RSPH14: variants seen among roughly 807,000 people sequenced by gnomAD.
The protein encoded by RSPH14 is rhabdoid tumor deletion region gene 1.
RSPH14 carries 20 observed loss-of-function variants against 26.7 expected under a neutral mutation model. The ratio of observed to expected loss-of-function variants is 0.75; its 90% CI spans 0.53 to 1.09. The LOEUF (loss-of-function observed/expected upper bound fraction) is 1.09. RSPH14 is among the 50% of genes least tolerant of loss of function. The pLI, the probability that RSPH14 is intolerant of heterozygous loss-of-function variation, is 0.00. For synonymous variants in RSPH14, 177 were observed against 189.3 expected (o/e 0.93, Z 0.53); for missense variants, 449 against 457.2 (o/e 0.98, Z 0.16).
the RSPH14 span, chr22:23,159,207 G>T: frequency 1.9e-6 from 3 of 1,608,984 alleles, no homozygotes; most frequent in East Asian, 6.7e-5. Context: ...CTGTGCACCT[G>T]GCCAGGGAGA....
intron 4 of RSPH14, among the ~76,000 whole-genome samples, chr22:23,090,147 T>A (rs756406331): frequency 6.6e-6 from 1 of 152,142 alleles, no homozygotes. Flanking sequence ...GCCCTGGCCA[T>A]AAGCACAGCA....
chr22:23,165,401 CAG>C, the RSPH14 span, among the ~76,000 whole-genome samples: 3 of 152,206 alleles, frequency 2.0e-5, no homozygotes, highest in Non-Finnish European at 2.9e-5. Flanking sequence ...GAGACCCTCA[CAG>C]GGCATCAGCC....
chr22:23,147,988 A>G (rs1392136519), upstream of RSPH14, among the ~76,000 whole-genome samples: 1 of 152,232 alleles, frequency 6.6e-6, no homozygotes, highest in African/African-American at 2.4e-5. Context: ...GGCAGGATAT[A>G]TAAGCCCCTA....
intron 4 of RSPH14, among the ~76,000 whole-genome samples, chr22:23,097,055 C>T (rs571061467): frequency 6.6e-6 from 1 of 152,308 alleles, no homozygotes; most frequent in Admixed American, 6.5e-5. Flanking sequence ...AAGGGGGCCA[C>T]AGCCAGGAGT....
the RSPH14 span, chr22:23,180,691 C>T: frequency 2.4e-3 from 368 of 150,736 alleles, 2 homozygotes; most frequent in African/African-American, 8.5e-3. Context: ...CGGAGAGCAG[C>T]GCCCGCGCCT....
upstream of RSPH14, among the ~76,000 whole-genome samples, chr22:23,148,876 C>T (rs1450713629): frequency 6.6e-6 from 1 of 152,262 alleles, no homozygotes; most frequent in Non-Finnish European, 1.5e-5. Context: ...GTAGCTGCTG[C>T]TCTTCTGCAG....
the RSPH14 span, among the ~76,000 whole-genome samples, chr22:23,156,665 T>C: frequency 6.6e-6 from 1 of 152,240 alleles, no homozygotes; most frequent in African/African-American, 2.4e-5. Flanking sequence ...CACCGATATG[T>C]CTACTCGGTA....
At chr22:23,180,113 C>A in the RSPH14 span, 1 of 263,316 alleles carries the variant, frequency 3.8e-6, no homozygotes, top group South Asian at 7.9e-5. Flanking sequence ...GAGAGCAGCT[C>A]TTGTCCCGGA....
the RSPH14 span, chr22:23,159,305 C>T: frequency 3.3e-6 from 5 of 1,505,894 alleles, no homozygotes; most frequent in Non-Finnish European, 4.5e-6. Flanking sequence ...GCTCTTGGGC[C>T]AGTCCTGTGG....
chr22:23,172,223 G>T, the RSPH14 span, among the ~76,000 whole-genome samples: 1 of 152,032 alleles, frequency 6.6e-6, no homozygotes, highest in Non-Finnish European at 1.5e-5. Flanking sequence ...GTCTGGTTCT[G>T]TTGCCCCTCT....
chr22:23,169,529 C>T, the RSPH14 span, among the ~76,000 whole-genome samples: 1 of 152,220 alleles, frequency 6.6e-6, no homozygotes, highest in East Asian at 1.9e-4. Flanking sequence ...CAGCCATCTA[C>T]AATGTCTTGC....
chr22:23,170,626 G>A, the RSPH14 span, among the ~76,000 whole-genome samples: 41,577 of 151,524 alleles, frequency 0.27, 5,848 homozygotes, highest in East Asian at 0.34. Context: ...CCAGCTACTC[G>A]GGAAGCTGAG....
the RSPH14 span, chr22:23,161,918 A>C: frequency 1.2e-5 from 3 of 249,960 alleles, no homozygotes; most frequent in Non-Finnish European, 1.6e-5. Context: ...GGTCTATACT[A>C]CTCGGCCATG....
the RSPH14 span, among the ~76,000 whole-genome samples, chr22:23,176,508 G>A: frequency 4.6e-5 from 7 of 152,088 alleles, no homozygotes; most frequent in African/African-American, 1.2e-4. Flanking sequence ...CTATACTAGC[G>A]TTGGCCCCCT....
chr22:23,145,213 G>A (rs977489019), upstream of RSPH14: 1 of 730,802 alleles, frequency 1.4e-6, no homozygotes, highest in Non-Finnish European at 2.2e-6. Context: ...CCCCACCCAG[G>A]GCTCAGGCTC....
chr22:23,177,639 T>C, the RSPH14 span, among the ~76,000 whole-genome samples: 2 of 152,014 alleles, frequency 1.3e-5, no homozygotes, highest in Non-Finnish European at 2.9e-5. Context: ...AGGCTCAGGA[T>C]AGGGGTGCTT....
At chr22:23,086,092 C>A (rs925067164) in intron 4 of RSPH14, among the ~76,000 whole-genome samples, 1 of 152,256 alleles carries the variant, frequency 6.6e-6, no homozygotes, top group African/African-American at 2.4e-5. Flanking sequence ...GCGGGTGACC[C>A]TGGCTTTCCA....
chr22:23,097,021 C>G (rs1377591981), intron 4 of RSPH14, among the ~76,000 whole-genome samples: 2 of 152,130 alleles, frequency 1.3e-5, no homozygotes, highest in Non-Finnish European at 2.9e-5. Context: ...TGAGGCCCAG[C>G]CAGGACAGAA....
chr22:23,143,292 A>AAAATAAAT (rs57037255), upstream of RSPH14, among the ~76,000 whole-genome samples: 1,699 of 141,894 alleles, frequency 0.012, 16 homozygotes, highest in Admixed American at 0.039. Context: ...CCTCAACTCT[A>AAAATAAAT]AAATAAATAA....
Sources: allele counts gnomAD v4.1 joint callset (sites outside exome capture counted in the v4.1 genomes callset), GRCh38; gene constraint gnomAD v4.1.1; transcripts MANE v1.5; gene names NCBI Gene and HGNC (gene_info 2026-07-23, HGNC 2026-07-21).